The following DNAH5 variants were observed in gnomAD, a reference collection of about 807,000 sequenced individuals.
DNAH5 encodes dynein axonemal heavy chain 5, also known as axonemal beta dynein heavy chain 5.
A neutral mutation model predicts 518.2 loss-of-function variants in DNAH5; 372 were observed. The observed-to-expected ratio is 0.72, with a 90% CI of 0.66 to 0.78. The LOEUF is 0.78. Among genes scored for constraint, DNAH5 ranks in the 30% least tolerant of loss-of-function variants. The probability of loss-of-function intolerance (pLI) is 0.00; values close to 1 mark genes in which losing one functional copy is unlikely to be tolerated. For synonymous variants in DNAH5, 2,039 were observed against 2,025.9 expected (o/e 1.01, Z -0.17); for missense variants, 5,523 against 5,687.0 (o/e 0.97, Z 0.93).
Position 13,823,337 on chromosome 5 carries a change from T to A in DNAH5, c.6613A>T (p.Ile2205Phe), listed in dbSNP as rs377490104. ...AGAATATTTGGAAAGAGATCTTCAA[T>A]CAAACTCAAAAACAAGGGTTCATCC... ...DEDEPLFLSLIEDLFPNILLD... is the reference protein window; with the variant it reads ...DEDEPLFLSLFEDLFPNILLD... Residue 2205 changes from isoleucine to phenylalanine, a missense_variant, in exon 40 of 79, where the codon ATT (isoleucine) becomes TTT (phenylalanine). Around this residue, in one of 3 missense-constraint regions of DNAH5, gnomAD observed 5,121 missense variants for 5,223.3 expected, o/e 0.98. Coordinates refer to ENST00000265104, the MANE Select transcript of DNAH5 (RefSeq NM_001369.3). The A allele has an allele frequency of 1.7e-5, 27 of 1,613,660 alleles. No individual in the cohort carries two copies. The African/African-American group carries it at 1.9e-4, about 11-fold the overall frequency.
At chr5:13,723,920 C>T (rs370405586) in intron 70 of DNAH5, among the ~76,000 whole-genome samples, 145 of 152,154 alleles carry the variant, frequency 9.5e-4, no homozygotes, top group African/African-American at 2.7e-3. Flanking sequence ...AGTTCCTGGG[C>T]GGGGACATTC....
intron 49 of DNAH5, among the ~76,000 whole-genome samples, chr5:13,792,733 C>A (rs546436620): frequency 1.3e-5 from 2 of 152,168 alleles, no homozygotes; most frequent in Admixed American, 6.5e-5. Context: ...GGTTTCCAGA[C>A]CTTGCTCACT....
At chr5:13,821,923 T>G (rs1221151568) in intron 40 of DNAH5, among the ~76,000 whole-genome samples, 9 of 152,050 alleles carry the variant, frequency 5.9e-5, no homozygotes, top group African/African-American at 2.2e-4. Flanking sequence ...GCTGCATGAG[T>G]AGTTGGGACT....
At position 13,900,430 on chromosome 5, in the gene DNAH5, C is replaced by T. The variant is rs757670512; in HGVS notation, c.2053-18G>A. On this transcript the variant is annotated intron_variant, in intron 14 of 78. Transcript: ENST00000265104. ...TCTTCAATCTGTGGGAAGAAACCAA[C>T]ATCATTACTATCAGAAAGTTCAATT... The T allele has an allele frequency of 6.2e-7, 1 of 1,600,206 alleles. No homozygotes were observed. The highest frequency in any genetic ancestry group is 8.6e-7 in the Non-Finnish European group (1 of 1,167,510).
Position 13,844,894 on chromosome 5 carries a change from T to C in DNAH5, c.5214A>G (p.Ile1738Met). The C allele has an allele frequency of 1.2e-6, 2 of 1,614,178 alleles. No individual in the cohort carries two copies. The highest frequency in any genetic ancestry group is 1.1e-5 in the South Asian group (1 of 91,084). ...CAAACACATTCAGCAAATGGGCCTG[T>C]ATAGTGTGGGAGTCCGACGCCTGCC... ...ILGQASDSHT[I>M]QAHLLNVFDN... The change falls in exon 32 of 79, where the codon ATA becomes ATG. Residue 1738 changes from isoleucine to methionine, a missense_variant. Coordinates refer to ENST00000265104, the MANE Select transcript of DNAH5 (RefSeq NM_001369.3).
At chr5:13,724,372 T>C (rs1339794613) in intron 70 of DNAH5, among the ~76,000 whole-genome samples, 1 of 152,230 alleles carries the variant, frequency 6.6e-6, no homozygotes, top group Non-Finnish European at 1.5e-5. Context: ...ATGGTAATAT[T>C]TACCCAATGC....
chr5:13,778,494 GGA>G lies in DNAH5; in HGVS notation c.8952-1141_8952-1140del, dbSNP rs1345757240. On this transcript the variant is annotated intron_variant, in intron 53 of 78. Coordinates refer to ENST00000265104, the MANE Select transcript of DNAH5 (RefSeq NM_001369.3). ...AGGAAGGAAAGAAGGAAGGAAGGAA[GGA>G]AGGGAGGGAGGGAGGGAGGGGAGAG... is the stretch of plus-strand genomic sequence containing the variant. Among the ~76,000 whole-genome samples, 14 of 126,088 alleles carry G rather than the reference GGA, an allele frequency of 1.1e-4. 1 individual carries two copies. The South Asian group carries it at 3.3e-3, about 30-fold the overall frequency. 82.7% of individuals were successfully genotyped at this position (126,088 alleles called of 152,430 possible).
At chr5:13,929,502 A>G (rs988907156) in intron 2 of DNAH5, among the ~76,000 whole-genome samples, 1 of 152,234 alleles carries the variant, frequency 6.6e-6, no homozygotes, top group Non-Finnish European at 1.5e-5. Context: ...TATTTACTAC[A>G]TCTTAAAATA....
chr5:13,966,908 C>A (rs1303426442), intron 1 of DNAH5, among the ~76,000 whole-genome samples: 2 of 152,230 alleles, frequency 1.3e-5, no homozygotes, highest in African/African-American at 4.8e-5. Context: ...GTCGCCCAGG[C>A]TGGAGTGCAG....
At chr5:13,746,034 T>A (rs916706312) in intron 65 of DNAH5, among the ~76,000 whole-genome samples, 2 of 152,168 alleles carry the variant, frequency 1.3e-5, no homozygotes, top group African/African-American at 2.4e-5. Flanking sequence ...CTTTGACTTA[T>A]AAGACAACAT....
intron 7 of DNAH5, among the ~76,000 whole-genome samples, chr5:13,917,660 GTTTATTA>G (rs937313519): frequency 5.9e-5 from 9 of 152,022 alleles, no homozygotes; most frequent in African/African-American, 1.9e-4. Context: ...TGTAGTAATT[GTTTATTA>G]TCTGCCAACT....
At chr5:13,770,501 C>T (rs1753186698) in intron 56 of DNAH5, among the ~76,000 whole-genome samples, 1 of 152,140 alleles carries the variant, frequency 6.6e-6, no homozygotes, top group South Asian at 2.1e-4. Context: ...GAGGGTTTCC[C>T]AACCTCAGCA....
intron 38 of DNAH5, among the ~76,000 whole-genome samples, chr5:13,826,532 A>G (rs2151828749): frequency 6.6e-6 from 1 of 152,238 alleles, no homozygotes; most frequent in South Asian, 2.1e-4. Flanking sequence ...TGGTTTTATA[A>G]GGGGCTTTTC....
At chr5:13,781,086 G>A in intron 52 of DNAH5, 127 bp from the exon 53 acceptor site, 2 of 1,061,954 alleles carry the variant, frequency 1.9e-6, no homozygotes, top group East Asian at 5.5e-5. Context: ...AGATCAGACT[G>A]GAGACACACT....
At chr5:13,932,175 C>T (rs1778493453) in intron 1 of DNAH5, 1 of 152,202 alleles carries the variant, frequency 6.6e-6, no homozygotes, top group African/African-American at 2.4e-5. Flanking sequence ...CTGGTAACCT[C>T]AAAAAAGCTC....
intron 1 of DNAH5, among the ~76,000 whole-genome samples, chr5:14,006,327 T>C (rs428562): frequency 0.74 from 112,521 of 152,098 alleles, 41,962 homozygotes; most frequent in East Asian, 0.97. Flanking sequence ...CTGCTTAGCA[T>C]AGCATGGCAG....
chr5:13,883,931 A>G (rs1772013217), intron 19 of DNAH5, among the ~76,000 whole-genome samples: 1 of 152,174 alleles, frequency 6.6e-6, no homozygotes, highest in African/African-American at 2.4e-5. Context: ...GCTTTCCTTT[A>G]AATGTCAATA....
In DNAH5 at chr5:13,865,876, T is replaced by C. The variant is rs1482671851; in HGVS notation, c.4147A>G (p.Ile1383Val). Reference protein sequence around the residue: ...NQFDNIYRKYITYTGGEELFG... With the variant: ...NQFDNIYRKYVTYTGGEELFG... Reference sequence around the variant, plus strand: ...AGCTCCTCTCCTCCAGTATATGTGATGTATTTCCGATAGATATTATCAAAT... The same window carrying C: ...AGCTCCTCTCCTCCAGTATATGTGACGTATTTCCGATAGATATTATCAAAT... The change falls in exon 27 of 79, where the codon ATC becomes GTC. Residue 1383 changes from isoleucine to valine, a missense_variant. Physicochemically the swap from Ile to Val is conservative, Grantham distance 29. Coordinates refer to ENST00000265104, the MANE Select transcript of DNAH5 (RefSeq NM_001369.3). 3 of 1,607,634 alleles carry C rather than the reference T, an allele frequency of 1.9e-6. No homozygotes were observed. Among genetic ancestry groups the C allele is most frequent in the Middle Eastern group, 1.7e-4 (1 of 6,056 alleles).
intron 21 of DNAH5, among the ~76,000 whole-genome samples, chr5:13,877,040 C>T (rs979576804): frequency 3.0e-4 from 45 of 152,190 alleles, no homozygotes; most frequent in African/African-American, 9.9e-4. Flanking sequence ...AAGAACAATG[C>T]TAAATCTTGG....
Sources: gnomAD v4.1 joint callset for allele counts (sites outside exome capture counted in the v4.1 genomes callset) on GRCh38, gnomAD v4.1.1 for gene constraint, gnomAD v4.1.1 regional missense constraint, MANE v1.5 for transcripts, NCBI Gene and HGNC (gene_info 2026-07-23, HGNC 2026-07-21) for gene names.